The following SLC35A1 variants were observed in gnomAD, a reference collection of about 807,000 sequenced individuals.
SLC35A1 encodes CMP-sialic acid transporter.
A neutral mutation model predicts 40.3 loss-of-function variants in SLC35A1; 21 were observed. The ratio of observed to expected loss-of-function variants is 0.52; its 90% CI spans 0.37 to 0.75. SLC35A1 has a LOEUF of 0.75. SLC35A1 is among the 30% of genes least tolerant of loss of function. The probability of loss-of-function intolerance (pLI) is 0.00; values close to 1 mark genes in which losing one functional copy is unlikely to be tolerated. For missense variants in SLC35A1, 297 were observed against 382.1 expected (o/e 0.78, Z 1.86); for synonymous variants, 146 against 147.3 (o/e 0.99, Z 0.06).
intron 2 of SLC35A1, chr6:87,499,068 G>A (rs1200611107): frequency 1.1e-6 from 1 of 928,658 alleles, no homozygotes; most frequent in Admixed American, 6.2e-5. Context: ...TAACTAAGAA[G>A]GATGTCTTTT....
At chr6:87,475,132 G>C (rs1197292056) in intron 1 of SLC35A1, among the ~76,000 whole-genome samples, 2 of 151,916 alleles carry the variant, frequency 1.3e-5, no homozygotes, top group Non-Finnish European at 2.9e-5. Flanking sequence ...GCTGTTGTAG[G>C]GAAAAAAAAG....
At chr6:87,503,980 T>C (rs1319929082) in intron 4 of SLC35A1, among the ~76,000 whole-genome samples, 1 of 152,232 alleles carries the variant, frequency 6.6e-6, no homozygotes, top group Admixed American at 6.5e-5. Context: ...AATACTAGCA[T>C]TATCTAAATG....
At chr6:87,508,331 A>G in intron 5 of SLC35A1, 89 bp from the exon 6 acceptor site, 6 of 854,152 alleles carry the variant, frequency 7.0e-6, no homozygotes, top group Non-Finnish European at 1.1e-5. Flanking sequence ...CATATACTTT[A>G]TATATCTCTA....
intron 2 of SLC35A1, among the ~76,000 whole-genome samples, chr6:87,484,411 C>T (rs1016222205): frequency 6.6e-6 from 1 of 152,136 alleles, no homozygotes; most frequent in Non-Finnish European, 1.5e-5. Context: ...TAGAAGGGTA[C>T]ACCCTCACAG....
rs1770285237 is a variant in SLC35A1 at position 87,511,799 on chromosome 6, G to A, written c.*273G>A. On this transcript the variant is annotated 3_prime_UTR_variant, in exon 8 of 8. Coordinates refer to ENST00000369552, the MANE Select transcript of SLC35A1 (RefSeq NM_006416.5). ...ATAATTTGTAAATAAAAAGTATGGA[G>A]ATGATACGGTGTTAAAAAAAATCAT... 2.4e-6 allele frequency: 1 copy of A among 419,958 alleles called. No individual in the cohort carries two copies. The highest frequency in any genetic ancestry group is 2.2e-5 in the South Asian group (1 of 44,818). The allele number at this position is 419,958 out of a possible 1,614,324, so 26.0% of individuals were successfully genotyped here.
chr6:87,509,245 T>A, intron 7 of SLC35A1, 70 bp downstream of exon 7: 1 of 1,584,692 alleles, frequency 6.3e-7, no homozygotes, highest in East Asian at 2.2e-5. Flanking sequence ...TTTAATCCCT[T>A]ATTTAAAAGT....
At chr6:87,504,214 C>T (rs146146528) in intron 4 of SLC35A1, among the ~76,000 whole-genome samples, 13,645 of 149,132 alleles carry the variant, frequency 0.091, 665 homozygotes, top group African/African-American at 0.12. Context: ...TCACTTGAGC[C>T]GAGGAGGTTG....
At chr6:87,481,599 C>T (rs536633679) in intron 2 of SLC35A1, among the ~76,000 whole-genome samples, 1 of 152,264 alleles carries the variant, frequency 6.6e-6, no homozygotes, top group African/African-American at 2.4e-5. Context: ...ACCAGATAAG[C>T]TAAATTTCAC....
intron 2 of SLC35A1, among the ~76,000 whole-genome samples, chr6:87,478,043 A>G (rs1293454930): frequency 6.6e-6 from 1 of 152,180 alleles, no homozygotes; most frequent in Non-Finnish European, 1.5e-5. Flanking sequence ...GCACTGTGCT[A>G]TGTGTTTTTT....
chr6:87,481,773 G>A (rs943736716), intron 2 of SLC35A1, among the ~76,000 whole-genome samples: 1 of 152,048 alleles, frequency 6.6e-6, no homozygotes, highest in Non-Finnish European at 1.5e-5. Flanking sequence ...AGTGTTTTAA[G>A]AAAAACCCAT....
At chr6:87,499,663 T>C (rs958821984) in intron 2 of SLC35A1, among the ~76,000 whole-genome samples, 7 of 152,182 alleles carry the variant, frequency 4.6e-5, no homozygotes, top group Admixed American at 1.3e-4. Flanking sequence ...TATACAGATA[T>C]AAAGTATGAG....
intron 2 of SLC35A1, among the ~76,000 whole-genome samples, chr6:87,487,462 CAATT>C (rs2127967577): frequency 6.6e-6 from 1 of 152,232 alleles, no homozygotes; most frequent in Non-Finnish European, 1.5e-5. Flanking sequence ...ACATTTTTGT[CAATT>C]AATCAATACA....
intron 4 of SLC35A1, among the ~76,000 whole-genome samples, chr6:87,505,417 A>G (rs1282153214): frequency 6.6e-6 from 1 of 152,352 alleles, no homozygotes; most frequent in East Asian, 1.9e-4. Context: ...TGGATCTGTG[A>G]GCACTGGTCT....
chr6:87,501,010 A>C, intron 3 of SLC35A1, 148 bp from the exon 4 acceptor site: 2 of 789,032 alleles, frequency 2.5e-6, no homozygotes, highest in Non-Finnish European at 4.1e-6. Context: ...TCGGCCTCCC[A>C]AAGTTCTGGG....
At position 87,496,464 on chromosome 6, in the gene SLC35A1, G is replaced by A. The variant is rs374379027; in HGVS notation, c.195-4044G>A. ...TTTTAACAGAGGTGCTCATTAAGGT[G>A]CTTGTGATTTGATTTCTAAGAAAGT... On this transcript the variant is annotated intron_variant, in intron 2 of 7. Coordinates refer to ENST00000369552, the MANE Select transcript of SLC35A1 (RefSeq NM_006416.5). 3.3e-5 allele frequency among the ~76,000 whole-genome samples: 5 copies of A among 152,116 alleles called. No individual in the cohort carries two copies. In the East Asian group the frequency reaches 7.7e-4, roughly 23 times the overall value.
rs182165900 is a variant in SLC35A1 at position 87,473,040 on chromosome 6, G to A, written c.16+21G>A. On this transcript the variant is annotated intron_variant, in intron 1 of 7. Transcript: ENST00000369552. ...GAGAGGTGAGAACTGGGTCTGCTGG[G>A]AGTGGGGAGTCCGCGGGGGGCGGCG... 7.0e-6 allele frequency: 4 copies of A among 573,560 alleles called. 1 individual carries two copies. Among genetic ancestry groups the A allele is most frequent in the Non-Finnish European group, 1.1e-5 (4 of 360,804 alleles). 35.5% of individuals were successfully genotyped at this position (573,560 alleles called of 1,614,324 possible). A position where few individuals can be genotyped will look rare whatever the true frequency, so the allele number is the denominator to read the frequency against.
intron 2 of SLC35A1, among the ~76,000 whole-genome samples, chr6:87,497,844 T>A (rs1461885299): frequency 6.6e-6 from 1 of 151,884 alleles, no homozygotes; most frequent in Non-Finnish European, 1.5e-5. Context: ...TGCTCCCACC[T>A]CAGCCTCCTG....
intron 2 of SLC35A1, among the ~76,000 whole-genome samples, chr6:87,487,268 A>G (rs1769417443): frequency 6.6e-6 from 1 of 152,218 alleles, no homozygotes; most frequent in African/African-American, 2.4e-5. Flanking sequence ...CTCTTTGAGA[A>G]TGAATTAGAA....
At chr6:87,473,044 G>GGGGA (rs1211748386) in intron 1 of SLC35A1, 25 bp downstream of exon 1, 3 of 555,688 alleles carry the variant, frequency 5.4e-6, no homozygotes, top group East Asian at 6.9e-5. Context: ...TGCTGGGAGT[G>GGGGA]GGGAGTCCGC....
Sources: allele counts gnomAD v4.1 joint callset (sites outside exome capture counted in the v4.1 genomes callset), GRCh38; gene constraint gnomAD v4.1.1; transcripts MANE v1.5; gene names NCBI Gene and HGNC (gene_info 2026-07-23, HGNC 2026-07-21).